Variants in RASGRP3 observed in about 807,000 individuals in gnomAD.
RASGRP3 encodes the protein ras guanyl-releasing protein 3.
In RASGRP3, 54 loss-of-function variants were observed where a neutral mutation model predicts 82.7. That is an observed-to-expected ratio of 0.65 (90% CI 0.52 to 0.82). The LOEUF is 0.82. Among genes scored for constraint, RASGRP3 ranks in the 40% least tolerant of loss-of-function variants. RASGRP3 has a pLI of 0.00. For missense variants in RASGRP3, 861 were observed against 828.9 expected (o/e 1.04, Z -0.48); for synonymous variants, 309 against 300.5 (o/e 1.03, Z -0.29).
intron 1 of RASGRP3, among the ~76,000 whole-genome samples, chr2:33,484,846 A>C (rs964284181): frequency 1.3e-5 from 2 of 152,214 alleles, no homozygotes; most frequent in African/African-American, 4.8e-5. Flanking sequence ...GTCTGCCTGG[A>C]AACAAAGTAG....
intron 1 of RASGRP3, among the ~76,000 whole-genome samples, chr2:33,438,027 A>G (rs530815819): frequency 2.4e-4 from 36 of 152,318 alleles, no homozygotes; most frequent in South Asian, 1.2e-3. Context: ...AATTACAGCA[A>G]TGTTGCTTAC....
intron 2 of RASGRP3, among the ~76,000 whole-genome samples, chr2:33,459,600 C>A (rs552756722): frequency 1.8e-4 from 26 of 145,466 alleles, no homozygotes; most frequent in African/African-American, 7.4e-4. Flanking sequence ...CTAGTGTGAA[C>A]TGAGCTCAAC....
chr2:33,441,422 T>C (rs74517763), intron 1 of RASGRP3, among the ~76,000 whole-genome samples: 7,155 of 152,256 alleles, frequency 0.047, 270 homozygotes, highest in African/African-American at 0.11. Context: ...CCCTGGCTGC[T>C]CTCTAGTGGC....
chr2:33,437,250 A>G (rs946459993), intron 1 of RASGRP3, among the ~76,000 whole-genome samples: 2 of 152,208 alleles, frequency 1.3e-5, no homozygotes, highest in Non-Finnish European at 2.9e-5. Flanking sequence ...GAGTACCTTG[A>G]AAAATGTCAC....
At chr2:33,525,020 G>T (rs1471985726) in intron 9 of RASGRP3, among the ~76,000 whole-genome samples, 1 of 148,238 alleles carries the variant, frequency 6.7e-6, no homozygotes, top group East Asian at 1.9e-4. Context: ...GGCAGAGCTT[G>T]CAGTGAGCCG....
At chr2:33,451,237 AT>A (rs997287969) in intron 2 of RASGRP3, among the ~76,000 whole-genome samples, 9 of 152,128 alleles carry the variant, frequency 5.9e-5, no homozygotes, top group African/African-American at 1.9e-4. Flanking sequence ...TCCTTTATCC[AT>A]TTTAAAATTT....
At chr2:33,475,369 C>T (rs575117437), upstream of RASGRP3, among the ~76,000 whole-genome samples, 1 of 152,228 alleles carries the variant, frequency 6.6e-6, no homozygotes, top group African/African-American at 2.4e-5. Context: ...AGGGAAATTT[C>T]TGGTTTGATT....
chr2:33,460,313 A>G (rs1211089559), intron 2 of RASGRP3, among the ~76,000 whole-genome samples: 1 of 152,200 alleles, frequency 6.6e-6, no homozygotes, highest in South Asian at 2.1e-4. Context: ...TGAAAGTTGC[A>G]TTTGAAAATA....
At chr2:33,532,321 C>A (rs1011009907) in intron 10 of RASGRP3, 2 of 152,218 alleles carry the variant, frequency 1.3e-5, no homozygotes, top group African/African-American at 4.8e-5. Flanking sequence ...AATTTGTCAT[C>A]ACTGAGCAGT....
At chr2:33,539,052 T>C (rs1316417135) in intron 11 of RASGRP3, 42 bp from the exon 12 acceptor site, 5 of 1,349,170 alleles carry the variant, frequency 3.7e-6, no homozygotes, top group African/African-American at 1.5e-5. Flanking sequence ...ATAATAATAA[T>C]AATAAAGTTG....
chr2:33,457,758 C>A (rs561065224), intron 2 of RASGRP3, among the ~76,000 whole-genome samples: 1 of 152,008 alleles, frequency 6.6e-6, no homozygotes. Flanking sequence ...GATTGGGGAA[C>A]GAGAATCCTG....
Position 33,450,599 on chromosome 2 carries a change from A to G in RASGRP3, c.-261+2656A>G, listed in dbSNP as rs79325556. Among the ~76,000 whole-genome samples, 1,458 of 151,964 alleles carry G rather than the reference A, an allele frequency of 9.6e-3. 20 individuals carry two copies. Among genetic ancestry groups the G allele is most frequent in the African/African-American group, 0.034 (1,421 of 41,456 alleles). On this transcript the variant is annotated intron_variant, in intron 2 of 18. Transcript: ENST00000402538. ...AATAGCACTCCATTGTATATACCGCATTTTCTTTATCCATTCAACTGTCAA... is the reference window on the plus strand; with the variant it reads ...AATAGCACTCCATTGTATATACCGCGTTTTCTTTATCCATTCAACTGTCAA...
At chr2:33,452,101 C>A (rs984959699) in intron 2 of RASGRP3, among the ~76,000 whole-genome samples, 4 of 152,020 alleles carry the variant, frequency 2.6e-5, no homozygotes, top group Non-Finnish European at 4.4e-5. Flanking sequence ...ATACCCTCAT[C>A]GAATCCCCTA....
In RASGRP3 at chr2:33,514,195, G is replaced by A. The variant is rs1574390938; in HGVS notation, c.-127-815G>A. Among the ~76,000 whole-genome samples the A allele has an allele frequency of 2.0e-5, 3 of 152,246 alleles. 1 individual carries two copies. The South Asian group carries it at 6.2e-4, about 32-fold the overall frequency. On this transcript the variant is annotated intron_variant, in intron 2 of 17. Transcript: ENST00000403687. ...AATTAACAGTAGTATTTTTACCACTGCAGAGAATAATCTTACTCTCAGGCA... is the reference window on the plus strand; with the variant it reads ...AATTAACAGTAGTATTTTTACCACTACAGAGAATAATCTTACTCTCAGGCA...
chr2:33,508,042 C>A (rs78628219), intron 1 of RASGRP3, among the ~76,000 whole-genome samples: 1 of 152,102 alleles, frequency 6.6e-6, no homozygotes, highest in African/African-American at 2.4e-5. Context: ...ATTTACTGAT[C>A]CATTGTCTAT....
rs573022728 is a variant in RASGRP3 at position 33,556,231 on chromosome 2, C to CTTTTTTTTTTTTTTTTTTTTTTT, written c.1579+669_1579+691dup. 2.3e-4 allele frequency among the ~76,000 whole-genome samples: 13 copies of CTTTTTTTTTTTTTTTTTTTTTTT among 57,498 alleles called. 2 individuals are homozygous for CTTTTTTTTTTTTTTTTTTTTTTT. The highest frequency in any genetic ancestry group is 1.0e-3 in the East Asian group (2 of 1,956). The allele number at this position is 57,498 out of a possible 152,430, so 37.7% of individuals were successfully genotyped here. A position where few individuals can be genotyped will look rare whatever the true frequency, so the allele number is the denominator to read the frequency against. ...CAGTTTATATGGTTCTTCTAATAAT[C>CTTTTTTTTTTTTTTTTTTTTTTT]TTTTTTTTTTTTTTTTTTTTTTTTT... On this transcript the variant is annotated intron_variant, in intron 15 of 17. Coordinates refer to ENST00000403687, the MANE Select transcript of RASGRP3 (RefSeq NM_001139488.2).
chr2:33,478,538 A>G (rs1667584435), intron 1 of RASGRP3, among the ~76,000 whole-genome samples: 1 of 152,220 alleles, frequency 6.6e-6, no homozygotes, highest in Non-Finnish European at 1.5e-5. Context: ...AAATGGGAGC[A>G]GTTGAATTAT....
At chr2:33,470,675 G>A (rs1411304251) in intron 2 of RASGRP3, among the ~76,000 whole-genome samples, 16 of 152,008 alleles carry the variant, frequency 1.1e-4, no homozygotes, top group Admixed American at 3.9e-4. Context: ...CACCACGCCC[G>A]GCCAAGAATT....
At chr2:33,524,290 T>G (rs534116510) in intron 8 of RASGRP3, 142 bp from the exon 9 acceptor site, 2 of 720,306 alleles carry the variant, frequency 2.8e-6, no homozygotes, top group East Asian at 5.4e-5. Context: ...ATTTCTCTGA[T>G]TCTATTTGTG....
Sources: allele counts gnomAD v4.1 joint callset (sites outside exome capture counted in the v4.1 genomes callset), GRCh38; gene constraint gnomAD v4.1.1; transcripts MANE v1.5; gene names NCBI Gene and HGNC (gene_info 2026-07-23, HGNC 2026-07-21).